Variants in SLIT1 observed in about 807,000 individuals in gnomAD.
SLIT1 encodes slit homolog 1 protein.
SLIT1 carries 66 observed loss-of-function variants against 186.1 expected under a neutral mutation model. The observed-to-expected ratio is 0.35, with a 90% confidence interval of 0.29 to 0.44. The LOEUF (loss-of-function observed/expected upper bound fraction) is 0.44. Ranked by LOEUF, SLIT1 falls within the 20% of genes least tolerant of loss-of-function variation. The pLI is 1.00. For synonymous variants in SLIT1, 761 were observed against 833.8 expected, an observed-to-expected ratio of 0.91 and a Z score of 1.50; for missense variants, 1,638 against 2,037.4, an observed-to-expected ratio of 0.80 and a Z score of 3.77.
intron 23 of SLIT1, among the ~76,000 whole-genome samples, chr10:97,032,317 C>T (rs890353593): frequency 2.0e-5 from 3 of 152,032 alleles, no homozygotes; most frequent in African/African-American, 7.3e-5. Context: ...TCTTGTAATC[C>T]CAGCACTTTG....
intron 25 of SLIT1, among the ~76,000 whole-genome samples, chr10:97,030,321 G>A (rs1160222182): frequency 1.3e-5 from 2 of 152,170 alleles, no homozygotes; most frequent in East Asian, 3.8e-4. Context: ...GAAGTCGGAG[G>A]CACAGTACTA....
At chr10:97,093,118 A>G (rs1253707323) in intron 4 of SLIT1, among the ~76,000 whole-genome samples, 11 of 152,188 alleles carry the variant, frequency 7.2e-5, no homozygotes, top group Admixed American at 6.5e-4. Flanking sequence ...GAGGAAAGAG[A>G]AAAAAACTGT....
chr10:97,105,630 C>T (rs1051229692), intron 4 of SLIT1, among the ~76,000 whole-genome samples: 7 of 152,186 alleles, frequency 4.6e-5, no homozygotes, highest in Admixed American at 1.3e-4. Flanking sequence ...CAGATCAAAC[C>T]GGGGTCAGAA....
chr10:97,172,670 C>T (rs571132693), intron 1 of SLIT1, among the ~76,000 whole-genome samples: 1 of 152,288 alleles, frequency 6.6e-6, no homozygotes, highest in Admixed American at 6.5e-5. Context: ...AATCCCAGTG[C>T]TTTGGGAGGC....
chr10:97,085,675 C>T (rs112260791), intron 4 of SLIT1, among the ~76,000 whole-genome samples: 65 of 152,316 alleles, frequency 4.3e-4, no homozygotes, highest in African/African-American at 1.3e-3. Context: ...CGTGAGCCAC[C>T]GTGCCCAGCC....
intron 4 of SLIT1, among the ~76,000 whole-genome samples, chr10:97,121,080 A>G (rs1849556541): frequency 6.6e-6 from 1 of 152,098 alleles, no homozygotes; most frequent in Admixed American, 6.6e-5. Flanking sequence ...AGTTGGCACT[A>G]CTTTGCATTC....
At chr10:97,020,612 GA>G (rs1169432276) in intron 26 of SLIT1, among the ~76,000 whole-genome samples, 1 of 152,228 alleles carries the variant, frequency 6.6e-6, no homozygotes, top group East Asian at 1.9e-4. Flanking sequence ...AGTGGCCTCT[GA>G]GCTTGCAGAG....
chr10:97,088,844 G>A (rs1297799595), intron 4 of SLIT1, among the ~76,000 whole-genome samples: 1 of 152,184 alleles, frequency 6.6e-6, no homozygotes, highest in Non-Finnish European at 1.5e-5. Flanking sequence ...ACACCTTTTG[G>A]TGACTTGGTG....
At chr10:97,160,475 A>G (rs1850011507) in intron 3 of SLIT1, among the ~76,000 whole-genome samples, 1 of 152,204 alleles carries the variant, frequency 6.6e-6, no homozygotes, top group Non-Finnish European at 1.5e-5. Flanking sequence ...ATACTCCCCC[A>G]GATTGCTCCC....
chr10:97,001,101 C>T lies in SLIT1; in HGVS notation c.*11G>A, dbSNP rs774537285. On this transcript the variant is annotated 3_prime_UTR_variant, in exon 37 of 37. Coordinates refer to ENST00000266058, the MANE Select transcript of SLIT1 (RefSeq NM_003061.3). ...CCTTGCCCGCCCTCACCGGCCTGTC[C>T]ACGCCCAGCGCTATGCGCAGAGGGC... 1 of 1,609,610 alleles carries T rather than the reference C, an allele frequency of 6.2e-7. No individual in the cohort carries two copies. Among genetic ancestry groups the T allele is most frequent in the Non-Finnish European group, 8.5e-7 (1 of 1,177,488 alleles).
chr10:97,060,297 C>T (rs1053922957), intron 9 of SLIT1, 139 bp from the exon 10 acceptor site: 1 of 747,196 alleles, frequency 1.3e-6, no homozygotes, highest in Non-Finnish European at 2.3e-6. Context: ...AAGTTGAAGT[C>T]TGGGGTAAGG....
At chr10:97,014,946 A>G (rs909392812) in intron 28 of SLIT1, among the ~76,000 whole-genome samples, 6 of 151,954 alleles carry the variant, frequency 3.9e-5, no homozygotes, top group African/African-American at 1.2e-4. Context: ...ACACAGTCCA[A>G]TACTTCAGGA....
intron 21 of SLIT1, among the ~76,000 whole-genome samples, chr10:97,038,307 G>A (rs998206270): frequency 6.6e-6 from 1 of 152,126 alleles, no homozygotes; most frequent in African/African-American, 2.4e-5. Flanking sequence ...CAGTGCCACC[G>A]CTGCTCTCTC....
At chr10:97,016,308 CAA>C (rs1022274385) in intron 28 of SLIT1, among the ~76,000 whole-genome samples, 1 of 127,332 alleles carries the variant, frequency 7.9e-6, no homozygotes, top group African/African-American at 3.0e-5. Flanking sequence ...GACTCTGTCT[CAA>C]AAAAAAAAAA....
intron 4 of SLIT1, among the ~76,000 whole-genome samples, chr10:97,108,812 T>G (rs189074784): frequency 9.5e-4 from 133 of 140,408 alleles, no homozygotes; most frequent in Non-Finnish European, 1.8e-3. Context: ...CGCTTGAACC[T>G]GGTAGGCAGA....
intron 13 of SLIT1, among the ~76,000 whole-genome samples, chr10:97,050,269 G>A (rs1045374286): frequency 3.9e-5 from 6 of 152,182 alleles, no homozygotes; most frequent in African/African-American, 1.4e-4. Context: ...CTGACTTACT[G>A]GTCTCAGCCC....
At chr10:97,003,716 G>T (rs1848332723) in intron 34 of SLIT1, among the ~76,000 whole-genome samples, 1 of 152,188 alleles carries the variant, frequency 6.6e-6, no homozygotes, top group Admixed American at 6.5e-5. Flanking sequence ...CAGTGGTTCT[G>T]GGTCTCAGAG....
chr10:97,055,163 G>C (rs191423558), intron 13 of SLIT1, among the ~76,000 whole-genome samples: 1 of 152,316 alleles, frequency 6.6e-6, no homozygotes, highest in Non-Finnish European at 1.5e-5. Flanking sequence ...GTTGCAGTGA[G>C]CTGAGACTGT....
intron 4 of SLIT1, among the ~76,000 whole-genome samples, chr10:97,076,990 G>C (rs1284246068): frequency 6.6e-6 from 1 of 152,120 alleles, no homozygotes; most frequent in Non-Finnish European, 1.5e-5. Context: ...ACGGAACCGG[G>C]GGCCGTGGCT....
Sources: allele counts gnomAD v4.1 joint callset (sites outside exome capture counted in the v4.1 genomes callset), GRCh38; gene constraint gnomAD v4.1.1; transcripts MANE v1.5; gene names NCBI Gene and HGNC (gene_info 2026-07-23, HGNC 2026-07-21).